The following EYA1 variants were observed in gnomAD, a reference collection of about 807,000 sequenced individuals.
The protein encoded by EYA1 is protein phosphatase EYA1.
A neutral mutation model predicts 82.0 loss-of-function variants in EYA1; 16 were observed. That is an observed-to-expected ratio of 0.20 (90% confidence interval 0.13 to 0.30). The LOEUF is 0.30. EYA1 is among the 10% of genes least tolerant of loss of function. The pLI is 1.00. For missense variants in EYA1, 633 were observed against 730.7 expected, an observed-to-expected ratio of 0.87 and a Z score of 1.54; for synonymous variants, 261 against 264.4, an observed-to-expected ratio of 0.99 and a Z score of 0.12.
chr8:71,331,122 G>A (rs1423655872), intron 4 of EYA1, among the ~76,000 whole-genome samples: 3 of 151,596 alleles, frequency 2.0e-5, no homozygotes, highest in South Asian at 4.2e-4. Context: ...CCAGCTACTC[G>A]AGAGGCTCAA....
At chr8:71,499,494 C>G (rs1728774877) in intron 2 of EYA1, among the ~76,000 whole-genome samples, 1 of 152,066 alleles carries the variant, frequency 6.6e-6, no homozygotes, top group African/African-American at 2.4e-5. Flanking sequence ...TGAGTGCAGT[C>G]TGATTCCAGG....
intron 11 of EYA1, among the ~76,000 whole-genome samples, chr8:71,263,953 A>C: frequency 6.6e-6 from 1 of 152,228 alleles, no homozygotes; most frequent in East Asian, 1.9e-4. Context: ...CATTCAATCA[A>C]GTTTCATTGG....
At chr8:71,360,902 T>C (rs1014397945) in intron 1 of EYA1, among the ~76,000 whole-genome samples, 1 of 152,134 alleles carries the variant, frequency 6.6e-6, no homozygotes, top group African/African-American at 2.4e-5. Flanking sequence ...CTCCTCCCAA[T>C]AAATATAAAC....
intron 2 of EYA1, among the ~76,000 whole-genome samples, chr8:71,512,344 A>C (rs185094943): frequency 1.3e-5 from 2 of 152,236 alleles, no homozygotes; most frequent in Admixed American, 6.5e-5. Flanking sequence ...AAGTTCAGAA[A>C]AAAGTTTTTA....
chr8:71,460,017 C>G (rs934086495), intron 2 of EYA1, among the ~76,000 whole-genome samples: 3 of 152,166 alleles, frequency 2.0e-5, no homozygotes, highest in African/African-American at 7.2e-5. Flanking sequence ...CCTCTGTCAT[C>G]TACTCGTCAA....
chr8:71,427,137 G>A (rs1805290261), intron 2 of EYA1, among the ~76,000 whole-genome samples: 1 of 152,080 alleles, frequency 6.6e-6, no homozygotes, highest in African/African-American at 2.4e-5. Flanking sequence ...ATGATTTTGG[G>A]GCTACAATTT....
chr8:71,346,116 A>G (rs1280488378), intron 3 of EYA1, among the ~76,000 whole-genome samples: 2 of 151,904 alleles, frequency 1.3e-5, no homozygotes, highest in Non-Finnish European at 2.9e-5. Context: ...GGCACTCAAT[A>G]TTCTCCTACC....
At chr8:71,472,851 G>T (rs1328812147) in intron 2 of EYA1, among the ~76,000 whole-genome samples, 1 of 141,694 alleles carries the variant, frequency 7.1e-6, no homozygotes, top group Non-Finnish European at 1.5e-5. Flanking sequence ...TTATATTTAT[G>T]TTTATTTATA....
intron 2 of EYA1, among the ~76,000 whole-genome samples, chr8:71,514,777 G>C (rs1812846976): frequency 6.6e-6 from 1 of 152,108 alleles, no homozygotes; most frequent in African/African-American, 2.4e-5. Flanking sequence ...GTTGCGATTT[G>C]GGTGGGTACA....
intron 1 of EYA1, 133 bp from the exon 2 acceptor site, chr8:71,356,644 C>A: frequency 1.4e-6 from 2 of 1,383,040 alleles, no homozygotes; most frequent in Non-Finnish European, 9.4e-7. Flanking sequence ...GATACTGCAG[C>A]AGTGAAAGGC....
intron 12 of EYA1, among the ~76,000 whole-genome samples, chr8:71,226,295 C>T (rs981016191): frequency 3.9e-5 from 6 of 151,968 alleles, no homozygotes; most frequent in South Asian, 4.2e-4. Flanking sequence ...ATCACTTTAG[C>T]GTGTGGCTTA....
chr8:71,329,802 G>A (rs1823604939), intron 4 of EYA1, among the ~76,000 whole-genome samples: 1 of 152,192 alleles, frequency 6.6e-6, no homozygotes, highest in African/African-American at 2.4e-5. Flanking sequence ...TTGGTGGGGT[G>A]AGAGTCCAAA....
chr8:71,465,831 C>T (rs1423696435), intron 2 of EYA1, among the ~76,000 whole-genome samples: 1 of 151,998 alleles, frequency 6.6e-6, no homozygotes, highest in African/African-American at 2.4e-5. Context: ...TCAGAAAAGG[C>T]AAGGCAAAAT....
At position 71,373,832 on chromosome 8, in the gene EYA1, C is replaced by T. The variant is rs1020851552; in HGVS notation, c.34-17321G>A. On this transcript the variant is annotated intron_variant, in intron 2 of 18. Coordinates refer to the EYA1 transcript ENST00000643681. ...CAGGATAAAGAGTCCAGAAATAAAC[C>T]CAAGCATATGTGGTCAAATAATTTT... is the stretch of plus-strand genomic sequence containing the variant. Among the ~76,000 whole-genome samples, 3 of 151,966 alleles carry T rather than the reference C, an allele frequency of 2.0e-5. No homozygotes were observed. In the East Asian group the frequency reaches 5.8e-4, roughly 29 times the overall value.
intron 9 of EYA1, among the ~76,000 whole-genome samples, chr8:71,282,732 C>T (rs1168292814): frequency 6.6e-6 from 1 of 152,152 alleles, no homozygotes; most frequent in African/African-American, 2.4e-5. Context: ...TGTGTTTGCT[C>T]CTACAGTCCT....
intron 11 of EYA1, among the ~76,000 whole-genome samples, chr8:71,245,428 A>G (rs1030334009): frequency 6.6e-6 from 1 of 151,650 alleles, no homozygotes; most frequent in Non-Finnish European, 1.5e-5. Flanking sequence ...ACGGAGTTTC[A>G]CCATGTTGGC....
chr8:71,303,337 CAT>C (rs1491070994), intron 7 of EYA1, among the ~76,000 whole-genome samples: 2 of 140,192 alleles, frequency 1.4e-5, no homozygotes, highest in Admixed American at 7.1e-5. Flanking sequence ...CACACACACA[CAT>C]CCATGACTTA....
intron 2 of EYA1, among the ~76,000 whole-genome samples, chr8:71,481,981 A>G (rs1810197536): frequency 6.6e-6 from 1 of 152,190 alleles, no homozygotes; most frequent in Non-Finnish European, 1.5e-5. Context: ...AAGAAAGAGG[A>G]AGACCACAGT....
At chr8:71,208,727 A>AT (rs1194560364) in intron 17 of EYA1, among the ~76,000 whole-genome samples, 13 of 115,328 alleles carry the variant, frequency 1.1e-4, no homozygotes, top group Non-Finnish European at 2.0e-4. Context: ...TTAAAGTATA[A>AT]TAAAAAAAAG....
Sources: allele counts gnomAD v4.1 joint callset (sites outside exome capture counted in the v4.1 genomes callset), GRCh38; gene constraint gnomAD v4.1.1; transcripts MANE v1.5; gene names NCBI Gene and HGNC (gene_info 2026-07-23, HGNC 2026-07-21).